PAH: variants seen among roughly 807,000 people sequenced by gnomAD.
PAH encodes phenylalanine-4-hydroxylase.
PAH carries 64 observed loss-of-function variants against 62.0 expected under a neutral mutation model. The ratio of observed to expected loss-of-function variants is 1.03; its 90% CI spans 0.84 to 1.27. The LOEUF is 1.27. PAH is among the 50% of genes most tolerant of loss of function. PAH has a pLI of 0.00. For missense variants in PAH, 579 were observed against 542.8 expected (o/e 1.07, Z -0.66); for synonymous variants, 195 against 196.2 (o/e 0.99, Z 0.05).
chr12:102,854,382 A>C (rs561729003), intron 6 of PAH, among the ~76,000 whole-genome samples: 1 of 152,320 alleles, frequency 6.6e-6, no homozygotes, highest in South Asian at 2.1e-4. Context: ...AATATGTGCT[A>C]GTTCATTATT....
chr12:102,923,306 A>T (rs1303265958), intron 1 of PAH, among the ~76,000 whole-genome samples: 1 of 152,248 alleles, frequency 6.6e-6, no homozygotes, highest in Non-Finnish European at 1.5e-5. Context: ...TGAGCATGAG[A>T]CTAAAGCAGT....
intron 3 of PAH, among the ~76,000 whole-genome samples, chr12:102,886,625 T>C (rs1312931187): frequency 1.3e-5 from 2 of 152,124 alleles, no homozygotes; most frequent in African/African-American, 2.4e-5. Context: ...GCCTCCTCCA[T>C]GTATTGGTTA....
chr12:102,931,831 G>T (rs1878887220), intron 1 of PAH, among the ~76,000 whole-genome samples: 1 of 152,098 alleles, frequency 6.6e-6, no homozygotes, highest in African/African-American at 2.4e-5. Flanking sequence ...CCACCACTTT[G>T]TTGGTACATA....
At chr12:102,852,691 C>T in intron 7 of PAH, 124 bp downstream of exon 7, 2 of 1,194,618 alleles carry the variant, frequency 1.7e-6, no homozygotes, top group South Asian at 1.2e-5. Flanking sequence ...TTAGTACTAC[C>T]AGCAAACAGT....
At chr12:102,851,875 C>T in intron 7 of PAH, 119 bp from the exon 8 acceptor site, 1 of 758,120 alleles carries the variant, frequency 1.3e-6, no homozygotes, top group African/African-American at 1.7e-5. Flanking sequence ...GGCTTATGAT[C>T]CCTCTCCCAG....
chr12:102,957,233 C>A lies in PAH; in HGVS notation c.-96+962G>T, dbSNP rs1879943507. ...TTTTTTCTGCCCAAACCCTTCCCTG[C>A]GCTTTGCTTCAAGTTCTTAGTAGAA... On this transcript the variant is annotated intron_variant, in intron 1 of 4. Coordinates refer to the PAH transcript ENST00000551337. This position sits in a 1 kb window ranked among gnomAD's most constrained non-coding sequence, Gnocchi z 4.1. Among the ~76,000 whole-genome samples, 1 of 152,192 alleles carries A rather than the reference C, an allele frequency of 6.6e-6. No homozygotes were observed.
At position 102,958,265 on chromosome 12, in the gene PAH, G is replaced by C. The variant is rs772933316; in HGVS notation, c.-166C>G. Reference sequence around the variant, plus strand: ...TGCGCATGGAAAGCTCTGCCAAGATGGAGAGCGGCGGCGCCGGCCAGCAGC... The same window carrying C: ...TGCGCATGGAAAGCTCTGCCAAGATCGAGAGCGGCGGCGCCGGCCAGCAGC... On this transcript the variant is annotated 5_prime_UTR_variant, in exon 1 of 5. Coordinates refer to the PAH transcript ENST00000551337. 1.4e-5 allele frequency: 21 copies of C among 1,474,728 alleles called. 1 individual carries two copies. The South Asian group carries it at 2.6e-4, about 18-fold the overall frequency. 91.4% of individuals were successfully genotyped at this position (1,474,728 alleles called of 1,614,324 possible). A position where few individuals can be genotyped will look rare whatever the true frequency, so the allele number is the denominator to read the frequency against.
At position 102,841,430 on chromosome 12, in the gene PAH, G is replaced by A. The variant is rs552323740; in HGVS notation, c.1200-915C>T. Among the ~76,000 whole-genome samples the A allele has an allele frequency of 9.9e-5, 15 of 152,280 alleles. No individual in the cohort carries two copies. In the South Asian group the frequency reaches 3.1e-3, roughly 32 times the overall value. ...GCAAGAGTGGCTCCCCAAGTTCCAA[G>A]TCAAGCTGCCTGGGCTGAAACCCTG... is the stretch of plus-strand genomic sequence containing the variant. On this transcript the variant is annotated intron_variant, in intron 11 of 12. Coordinates refer to ENST00000553106, the MANE Select transcript of PAH (RefSeq NM_000277.3).
chr12:102,883,742 T>TCTTCAAGAC (rs1194972006), intron 3 of PAH, among the ~76,000 whole-genome samples: 1 of 152,078 alleles, frequency 6.6e-6, no homozygotes, highest in Non-Finnish European at 1.5e-5. Context: ...GACCCCATCA[T>TCTTCAAGAC]CTTCAAGAAA....
In PAH at chr12:102,836,982, C is replaced by G. The variant is rs1355705502; in HGVS notation, c.*2193G>C. The G allele has an allele frequency of 6.6e-6, 1 of 152,172 alleles. No individual in the cohort carries two copies. Among genetic ancestry groups the G allele is most frequent in the African/African-American group, 2.4e-5 (1 of 41,432 alleles). The allele number at this position is 152,172 out of a possible 1,614,324, so 9.4% of individuals were successfully genotyped here. On this transcript the variant is annotated 3_prime_UTR_variant, in exon 13 of 13. Coordinates refer to ENST00000553106, the MANE Select transcript of PAH (RefSeq NM_000277.3). ...CCTACAGTTAAAATTCAGATTCCTA[C>G]TTTCAGAAACTTATTAAACATCAAT...
intron 1 of PAH, among the ~76,000 whole-genome samples, chr12:102,935,141 C>T (rs918832684): frequency 3.3e-5 from 5 of 151,956 alleles, no homozygotes; most frequent in African/African-American, 9.7e-5. Context: ...TTTTCAGCAT[C>T]AGTTGAAATG....
At chr12:102,901,411 A>C (rs2136710901) in intron 2 of PAH, among the ~76,000 whole-genome samples, 1 of 152,308 alleles carries the variant, frequency 6.6e-6, no homozygotes, top group East Asian at 1.9e-4. Context: ...AAAGCACCCA[A>C]CAATTTTTGT....
intron 3 of PAH, among the ~76,000 whole-genome samples, chr12:102,880,699 C>A (rs976338431): frequency 6.6e-6 from 1 of 152,064 alleles, no homozygotes; most frequent in African/African-American, 2.4e-5. Context: ...TTGTGGGGTG[C>A]ATACAAGGGA....
intron 3 of PAH, among the ~76,000 whole-genome samples, chr12:102,887,691 C>T (rs1359600069): frequency 6.6e-6 from 1 of 152,116 alleles, no homozygotes; most frequent in African/African-American, 2.4e-5. Flanking sequence ...CCATGAGCCA[C>T]AGGAATTGGG....
At chr12:102,861,678 A>G (rs1250925316) in intron 5 of PAH, among the ~76,000 whole-genome samples, 1 of 152,092 alleles carries the variant, frequency 6.6e-6, no homozygotes, top group Non-Finnish European at 1.5e-5. Flanking sequence ...CATGTCCTTT[A>G]TAGGGACATG....
chr12:102,877,462 A>G lies in PAH; in HGVS notation c.441T>C (p.Pro147=), dbSNP rs1386014129. Residue 147 remains proline, a splice_region_variant and synonymous_variant, in exon 4 of 13, where the codon CCT becomes CCC. Transcript: ENST00000553106. The part of the protein sequence containing the change: ...SYGAELDADH[P]GFKDPVYRAR... ...CTCATCCTACGGGCCATGGACTCAC[A>G]GGGTGGTCAGCATCCAGTTCCGCTC... 1 of 1,611,238 alleles carries G rather than the reference A, an allele frequency of 6.2e-7. No individual in the cohort carries two copies. The highest frequency in any genetic ancestry group is 1.7e-5 in the Admixed American group (1 of 60,002).
rs1169321958 is a variant in PAH at position 102,957,528 on chromosome 12, T to G, written c.-96+667A>C. ...AGAGGAGGAGGGGGAGTTTAGGGAGTGGGTGGGAGGAAGAGGTAAGAGGAG... is the reference window on the plus strand; with the variant it reads ...AGAGGAGGAGGGGGAGTTTAGGGAGGGGGTGGGAGGAAGAGGTAAGAGGAG... On this transcript the variant is annotated intron_variant, in intron 1 of 4. Transcript: ENST00000551337. This position sits in a 1 kb window ranked among gnomAD's most constrained non-coding sequence, Gnocchi z 4.1. 5.9e-3 allele frequency among the ~76,000 whole-genome samples: 173 copies of G among 29,550 alleles called. No individual in the cohort carries two copies. The highest frequency in any genetic ancestry group is 9.9e-3 in the South Asian group (7 of 706). The allele number at this position is 29,550 out of a possible 152,430, so 19.4% of individuals were successfully genotyped here. A position where few individuals can be genotyped will look rare whatever the true frequency, so the allele number is the denominator to read the frequency against.
Position 102,851,796 on chromosome 12 carries a change from G to T in PAH, c.843-40C>A, listed in dbSNP as rs1233042620. ...GCACAGAGAGCTCGGAGGGGAGGAG[G>T]TTTAAGCCAAGCCAGACTCAGTCTT... is the stretch of plus-strand genomic sequence containing the variant. On this transcript the variant is annotated intron_variant, in intron 7 of 12. Transcript: ENST00000553106. 4 of 1,525,532 alleles carry T rather than the reference G, an allele frequency of 2.6e-6. No homozygotes were observed. In the Admixed American group the frequency reaches 6.7e-5, roughly 26 times the overall value. The allele number at this position is 1,525,532 out of a possible 1,614,324, so 94.5% of individuals were successfully genotyped here. A position where few individuals can be genotyped will look rare whatever the true frequency, so the allele number is the denominator to read the frequency against.
intron 1 of PAH, among the ~76,000 whole-genome samples, chr12:102,932,469 G>T (rs1447876878): frequency 6.6e-6 from 1 of 152,132 alleles, no homozygotes; most frequent in African/African-American, 2.4e-5. Context: ...AAAGATCGCT[G>T]GTGATCCTAG....
Sources: allele counts gnomAD v4.1 joint callset (sites outside exome capture counted in the v4.1 genomes callset), GRCh38; gene constraint gnomAD v4.1.1; non-coding constraint Gnocchi (gnomAD v3.1); transcripts MANE v1.5; gene names NCBI Gene and HGNC (gene_info 2026-07-23, HGNC 2026-07-21).